The following PTCHD4 variants were observed in gnomAD, a reference collection of about 807,000 sequenced individuals.
PTCHD4 encodes patched domain-containing protein 4.
PTCHD4 carries 33 observed loss-of-function variants against 58.1 expected under a neutral mutation model. The observed-to-expected ratio is 0.57, with a 90% confidence interval of 0.43 to 0.76. PTCHD4 has a LOEUF of 0.76. PTCHD4 is among the 30% of genes least tolerant of loss of function. The pLI is 0.00. For synonymous variants in PTCHD4, 478 were observed against 409.6 expected (o/e 1.17, Z -2.02); for missense variants, 1,058 against 1,027.1 (o/e 1.03, Z -0.41).
intron 1 of PTCHD4, among the ~76,000 whole-genome samples, chr6:48,105,003 G>A (rs1410116141): frequency 6.6e-6 from 1 of 152,060 alleles, no homozygotes; most frequent in Non-Finnish European, 1.5e-5. Flanking sequence ...AATAATAATG[G>A]GAGACTTTAA....
At chr6:47,992,194 G>A (rs1450263108) in intron 4 of PTCHD4, among the ~76,000 whole-genome samples, 1 of 152,110 alleles carries the variant, frequency 6.6e-6, no homozygotes, top group East Asian at 1.9e-4. Context: ...CTTTAAAACA[G>A]AAAACTATTT....
At chr6:48,033,428 C>T (rs1265306777) in intron 3 of PTCHD4, among the ~76,000 whole-genome samples, 1 of 151,344 alleles carries the variant, frequency 6.6e-6, no homozygotes, top group Non-Finnish European at 1.5e-5. Context: ...CATCTGCCTC[C>T]ATCCAAGTTC....
intron 4 of PTCHD4, among the ~76,000 whole-genome samples, chr6:47,983,698 A>C (rs935186740): frequency 1.3e-5 from 2 of 152,212 alleles, no homozygotes; most frequent in Admixed American, 6.5e-5. Context: ...CGATGACCTT[A>C]GCAAAATATG....
chr6:48,098,299 T>C (rs533641258), intron 1 of PTCHD4, among the ~76,000 whole-genome samples: 2 of 152,006 alleles, frequency 1.3e-5, no homozygotes, highest in South Asian at 2.1e-4. Flanking sequence ...TGGAGAAAAG[T>C]AACTGGAATT....
intron 1 of PTCHD4, among the ~76,000 whole-genome samples, chr6:48,088,079 G>T (rs1765296530): frequency 6.6e-6 from 1 of 152,020 alleles, no homozygotes; most frequent in Non-Finnish European, 1.5e-5. Context: ...GGCATGCTAG[G>T]TTACAAGACC....
intron 4 of PTCHD4, among the ~76,000 whole-genome samples, chr6:47,885,336 A>T (rs1360252119): frequency 6.6e-6 from 1 of 152,098 alleles, no homozygotes; most frequent in African/African-American, 2.4e-5. Flanking sequence ...CTCTTTCCAA[A>T]TGAAAGCAAT....
intron 4 of PTCHD4, among the ~76,000 whole-genome samples, chr6:47,883,833 G>A (rs1450626377): frequency 6.6e-6 from 1 of 152,066 alleles, no homozygotes; most frequent in Non-Finnish European, 1.5e-5. Flanking sequence ...TGTTGCCTGT[G>A]GGGCAAATTT....
At chr6:47,975,655 A>G (rs1767667139) in intron 4 of PTCHD4, among the ~76,000 whole-genome samples, 1 of 152,178 alleles carries the variant, frequency 6.6e-6, no homozygotes, top group East Asian at 1.9e-4. Flanking sequence ...TACTGCACCC[A>G]CCTGCGCCTC....
chr6:47,940,986 G>T (rs1252432293), intron 4 of PTCHD4, among the ~76,000 whole-genome samples: 1 of 152,086 alleles, frequency 6.6e-6, no homozygotes, highest in Non-Finnish European at 1.5e-5. Flanking sequence ...CTCACTTCCA[G>T]ACCTTTTATT....
At chr6:48,100,039 G>T (rs1022405207) in intron 1 of PTCHD4, among the ~76,000 whole-genome samples, 1 of 152,156 alleles carries the variant, frequency 6.6e-6, no homozygotes, top group Admixed American at 6.5e-5. Context: ...AGGACAGGAA[G>T]AGTATAGTGA....
rs779939716 is a variant in PTCHD4, at chr6:48,008,870, C to G, written c.662G>C (p.Arg221Thr). ...LYSLASFSLW[R>T]DFHKTSILAR... ...CAGGATGCTGGTCTTATGAAAGTCC[C>G]TCCAGAGGCTAAAGGATGCTAAAGA... The change falls in exon 4 of 5, where the codon AGG (arginine) becomes ACG (threonine). Residue 221 changes from arginine (R) to threonine (T), a missense_variant. Physicochemically the swap from Arg to Thr is moderately conservative, Grantham distance 71 (BLOSUM62 -1). Coordinates refer to ENST00000339488, the MANE Select transcript of PTCHD4 (RefSeq NM_001384253.1). 1 of 1,613,892 alleles carries G rather than the reference C, an allele frequency of 6.2e-7. No homozygotes were observed. Among genetic ancestry groups the G allele is most frequent in the African/African-American group, 1.3e-5 (1 of 74,940 alleles).
rs1764912865 is a variant in PTCHD4, at chr6:48,069,083, G to T, written c.-126C>A. On this transcript the variant is annotated 5_prime_UTR_variant, in exon 2 of 5. Coordinates refer to ENST00000339488, the MANE Select transcript of PTCHD4 (RefSeq NM_001384253.1). ...TTCCTCTCTGTCTTGGTGGGGTTCG[G>T]TGCCTAACTGGAACCATGTGCCTCG... 6.8e-6 allele frequency among the ~76,000 whole-genome samples: 1 copy of T among 146,370 alleles called. No individual in the cohort carries two copies. Among genetic ancestry groups the T allele is most frequent in the South Asian group, 2.3e-4 (1 of 4,442 alleles).
chr6:47,880,052 T>C, intron 4 of PTCHD4, 116 bp from the exon 5 acceptor site: 1 of 831,004 alleles, frequency 1.2e-6, no homozygotes, highest in East Asian at 2.8e-5. Flanking sequence ...TTCAAAGGGC[T>C]GTGATCCTCC....
rs1235464803 is a variant in PTCHD4, at chr6:47,862,203, AT to A, written c.*16099del. ...AGGCCTGATGGATTTTTAATGAATT[AT>A]CGGTTTTGCCAATCATTACTTTTGT... On this transcript the variant is annotated 3_prime_UTR_variant, in exon 5 of 5. Coordinates refer to ENST00000339488, the MANE Select transcript of PTCHD4 (RefSeq NM_001384253.1). Among the ~76,000 whole-genome samples the A allele has an allele frequency of 6.6e-6, 1 of 150,568 alleles. No individual in the cohort carries two copies. The highest frequency in any genetic ancestry group is 1.5e-5 in the Non-Finnish European group (1 of 67,580).
chr6:47,974,525 G>T (rs527519943), intron 4 of PTCHD4, among the ~76,000 whole-genome samples: 6 of 152,130 alleles, frequency 3.9e-5, no homozygotes, highest in African/African-American at 7.2e-5. Context: ...TTGTGGGGGG[G>T]GCTGTCCTGT....
chr6:48,068,478 C>T lies in PTCHD4; in HGVS notation c.169G>A (p.Ala57Thr). 6.2e-7 allele frequency: 1 copy of T among 1,613,524 alleles called. No individual in the cohort carries two copies. The highest frequency in any genetic ancestry group is 1.3e-5 in the African/African-American group (1 of 75,008). Residue 57 changes from alanine (A) to threonine (T), a missense_variant, in exon 3 of 5, where the codon GCG (alanine) becomes ACG (threonine). Ala to Thr is a moderately conservative substitution (Grantham distance 58, BLOSUM62 0). Transcript: ENST00000339488. This position sits in a 1 kb window ranked among gnomAD's most constrained non-coding sequence, Gnocchi z 4.2. ...AVLTITFGLSALNRFQPEGDL... is the reference protein window; with the variant it reads ...AVLTITFGLSTLNRFQPEGDL... ...CCCTCGGGCTGGAAGCGGTTGAGCG[C>T]GCTGAGGCCGAAGGTGATTGTCAGG...
chr6:48,058,116 C>G (rs571161523), intron 3 of PTCHD4, among the ~76,000 whole-genome samples: 1 of 152,338 alleles, frequency 6.6e-6, no homozygotes, highest in African/African-American at 2.4e-5. Flanking sequence ...TTAATTAAAT[C>G]TGAATCTCTC....
In PTCHD4 at chr6:47,879,825, T is replaced by C. The variant is rs1340864925; in HGVS notation, c.1010A>G (p.Tyr337Cys). ...ADAYSDVMVT[Y>C]TMTSSLYFIT... ...GAAGTACAGGGAGCTGGTCATGGTA[T>C]AGGTGACCATCACATCAGAATAGGC... Residue 337 changes from tyrosine to cysteine, a missense_variant, in exon 5 of 5, where the codon TAT becomes TGT. By Grantham distance (194) the Tyr-to-Cys change is radical (BLOSUM62 -2). Transcript: ENST00000339488. 1.9e-6 allele frequency: 3 copies of C among 1,612,952 alleles called. No homozygotes were observed. The Admixed American group carries it at 5.0e-5, about 27-fold the overall frequency.
At position 47,864,744 on chromosome 6, in the gene PTCHD4, G is replaced by A. The variant is rs1419275745; in HGVS notation, c.*13559C>T. On this transcript the variant is annotated 3_prime_UTR_variant, in exon 5 of 5. Transcript: ENST00000339488. The stretch of plus-strand genomic sequence containing the variant: ...TTTCACAGGTCATTTTAATGCTAAT[G>A]TTAAAACCATGTATGTGTGAAATAT... Among the ~76,000 whole-genome samples, 1 of 151,934 alleles carries A rather than the reference G, an allele frequency of 6.6e-6. No individual in the cohort carries two copies. Among genetic ancestry groups the A allele is most frequent in the African/African-American group, 2.4e-5 (1 of 41,404 alleles).
Sources: gnomAD v4.1 joint callset for allele counts (sites outside exome capture counted in the v4.1 genomes callset) on GRCh38, gnomAD v4.1.1 for gene constraint, Gnocchi (gnomAD v3.1) non-coding constraint, MANE v1.5 for transcripts, NCBI Gene and HGNC (gene_info 2026-07-23, HGNC 2026-07-21) for gene names.